The following ATXN1 variants were observed in gnomAD, a reference collection of about 807,000 sequenced individuals.
ATXN1 encodes the protein ataxin-1.
Under a neutral mutation model 56.4 loss-of-function variants are expected in ATXN1, and 8 were observed. The observed-to-expected ratio is 0.14, with a 90% CI of 0.08 to 0.26. The LOEUF is 0.26. ATXN1 is among the 10% of genes least tolerant of loss of function. The probability of loss-of-function intolerance (pLI) is 1.00; values close to 1 mark genes in which losing one functional copy is unlikely to be tolerated. For synonymous variants in ATXN1, 514 were observed against 494.6 expected (o/e 1.04, Z -0.52); for missense variants, 987 against 1,106.5 (o/e 0.89, Z 1.53).
intron 4 of ATXN1, among the ~76,000 whole-genome samples, chr6:16,567,440 T>C (rs1466780047): frequency 6.6e-6 from 1 of 152,202 alleles, no homozygotes; most frequent in Non-Finnish European, 1.5e-5. Flanking sequence ...TCAGAATAAC[T>C]TGCGCTTATT....
intron 6 of ATXN1, among the ~76,000 whole-genome samples, chr6:16,423,686 C>G (rs995955355): frequency 6.6e-6 from 1 of 152,056 alleles, no homozygotes; most frequent in Non-Finnish European, 1.5e-5. Context: ...CTCGGGAGGA[C>G]AGAGAGGAGA....
At chr6:16,416,792 A>G (rs1758917850) in intron 6 of ATXN1, among the ~76,000 whole-genome samples, 1 of 152,204 alleles carries the variant, frequency 6.6e-6, no homozygotes, top group Non-Finnish European at 1.5e-5. Context: ...GAGCTGGTAC[A>G]CACTGGAATT....
intron 2 of ATXN1, among the ~76,000 whole-genome samples, chr6:16,661,546 C>T (rs1439773428): frequency 6.6e-6 from 1 of 152,292 alleles, no homozygotes; most frequent in African/African-American, 2.4e-5. Context: ...TTCCAGTGAT[C>T]CCACCTCTTG....
intron 6 of ATXN1, among the ~76,000 whole-genome samples, chr6:16,329,475 A>G (rs1760930060): frequency 6.6e-6 from 1 of 152,214 alleles, no homozygotes; most frequent in African/African-American, 2.4e-5. Context: ...TGCAAGTTTC[A>G]AAAGAATTCC....
intron 6 of ATXN1, among the ~76,000 whole-genome samples, chr6:16,342,642 T>C (rs1412789090): frequency 1.3e-5 from 2 of 152,174 alleles, no homozygotes; most frequent in Non-Finnish European, 2.9e-5. Context: ...ATGAATAAAC[T>C]TTAAAAATGT....
In ATXN1 at chr6:16,585,771, G is replaced by GGCATGTATGAATTCCAAAGTAA. The variant is rs1762609872; in HGVS notation, c.-361+8_-361+9insTTACTTTGGAATTCATACATGC. ...ATTATTTTCCTTTAAAGCTTTTGGAGATGTTTACCTGTACCATGTGCTTTC... is the reference window on the plus strand; with the variant it reads ...ATTATTTTCCTTTAAAGCTTTTGGAGGCATGTATGAATTCCAAAGTAAATGTTTACCTGTACCATGTGCTTTC... On this transcript the variant is annotated intron_variant, in intron 4 of 7. Transcript: ENST00000436367. 3 of 152,270 alleles carry GGCATGTATGAATTCCAAAGTAA rather than the reference G, an allele frequency of 2.0e-5. No homozygotes were observed. The highest frequency in any genetic ancestry group is 1.3e-4 in the Admixed American group (2 of 15,290). The allele number at this position is 152,270 out of a possible 1,614,324, so 9.4% of individuals were successfully genotyped here.
rs529671163 is a variant in ATXN1, at chr6:16,397,630, T to C, written c.-160-69160A>G. Among the ~76,000 whole-genome samples, 130 of 152,278 alleles carry C rather than the reference T, an allele frequency of 8.5e-4. 1 individual carries two copies. The highest frequency in any genetic ancestry group is 6.8e-3 in the Middle Eastern group (2 of 294). On this transcript the variant is annotated intron_variant, in intron 6 of 7. Transcript: ENST00000436367. ...GTGAAATAGAACTAGGGGAGAACAG[T>C]AGGAATAGTCAACTTTCCATGATTA...
At chr6:16,758,806 T>A (rs904515001) in intron 1 of ATXN1, among the ~76,000 whole-genome samples, 1 of 152,228 alleles carries the variant, frequency 6.6e-6, no homozygotes, top group Admixed American at 6.5e-5. Context: ...GAAGATGGCA[T>A]TCAAGTCCAT....
chr6:16,747,130 T>G (rs1760560772), intron 2 of ATXN1, among the ~76,000 whole-genome samples: 1 of 152,204 alleles, frequency 6.6e-6, no homozygotes, highest in African/African-American at 2.4e-5. Flanking sequence ...ACATATTAAA[T>G]TCCTTTTTAA....
At chr6:16,503,976 C>T (rs150302683) in intron 5 of ATXN1, among the ~76,000 whole-genome samples, 76 of 152,262 alleles carry the variant, frequency 5.0e-4, no homozygotes, top group African/African-American at 1.6e-3. Context: ...TTTTAACATA[C>T]GTACATTTAA....
At chr6:16,473,413 T>C (rs1445318831) in intron 6 of ATXN1, among the ~76,000 whole-genome samples, 1 of 152,048 alleles carries the variant, frequency 6.6e-6, no homozygotes, top group Non-Finnish European at 1.5e-5. Flanking sequence ...TGCTTAAAGG[T>C]GTAGTGAAAA....
At chr6:16,523,805 G>A (rs1761340692) in intron 4 of ATXN1, among the ~76,000 whole-genome samples, 1 of 152,210 alleles carries the variant, frequency 6.6e-6, no homozygotes, top group African/African-American at 2.4e-5. Context: ...AAAGAACAGA[G>A]ATGATGTGAA....
Position 16,314,437 on chromosome 6 carries a change from T to C in ATXN1, c.1918-7578A>G, listed in dbSNP as rs1760465645. ...TTGAAATTCCCTTGGAGAGGAGCCT[T>C]CTCCATCTCAAAACATGCTGTCAAT... On this transcript the variant is annotated intron_variant, in intron 7 of 7. Coordinates refer to ENST00000436367, the MANE Select transcript of ATXN1 (RefSeq NM_001128164.2). 2.0e-5 allele frequency among the ~76,000 whole-genome samples: 3 copies of C among 152,102 alleles called. No homozygotes were observed. The South Asian group carries it at 6.2e-4, about 31-fold the overall frequency.
chr6:16,335,800 C>T (rs988609809), intron 6 of ATXN1, among the ~76,000 whole-genome samples: 1 of 152,142 alleles, frequency 6.6e-6, no homozygotes, highest in African/African-American at 2.4e-5. Context: ...GAGGCAAAGG[C>T]CCTGTGGAGG....
chr6:16,695,567 G>A (rs558676511), intron 2 of ATXN1, among the ~76,000 whole-genome samples: 17 of 152,310 alleles, frequency 1.1e-4, no homozygotes, highest in Non-Finnish European at 2.1e-4. Context: ...AGCCTAGGAC[G>A]GAGACAGCTT....
At chr6:16,600,972 T>C (rs1483926816) in intron 3 of ATXN1, among the ~76,000 whole-genome samples, 1 of 152,188 alleles carries the variant, frequency 6.6e-6, no homozygotes, top group Non-Finnish European at 1.5e-5. Context: ...CTGTGTACTC[T>C]CAATACAATT....
At chr6:16,755,718 T>TA (rs368926707) in intron 1 of ATXN1, among the ~76,000 whole-genome samples, 6,216 of 134,830 alleles carry the variant, frequency 0.046, 216 homozygotes, top group Admixed American at 0.12. Flanking sequence ...CACCTAAGTG[T>TA]AAAAAAAAAA....
intron 6 of ATXN1, among the ~76,000 whole-genome samples, chr6:16,450,983 A>G (rs964032952): frequency 5.3e-5 from 8 of 152,234 alleles, no homozygotes; most frequent in African/African-American, 1.9e-4. Flanking sequence ...GACCCCCCCA[A>G]GGGCCAACGC....
At chr6:16,575,076 G>A (rs369146357) in intron 4 of ATXN1, among the ~76,000 whole-genome samples, 6 of 152,200 alleles carry the variant, frequency 3.9e-5, no homozygotes, top group East Asian at 3.9e-4. Context: ...TGGGACACAC[G>A]ATGTCAATAT....
Sources: allele counts gnomAD v4.1 joint callset (sites outside exome capture counted in the v4.1 genomes callset), GRCh38; gene constraint gnomAD v4.1.1; transcripts MANE v1.5; gene names NCBI Gene and HGNC (gene_info 2026-07-23, HGNC 2026-07-21).